Variants in C4orf33 observed in about 807,000 individuals in gnomAD.
The protein encoded by C4orf33 is chromosome 4 open reading frame 33, also known as UPF0462 protein C4orf33.
C4orf33 carries 20 observed loss-of-function variants against 24.3 expected under a neutral mutation model. The ratio of observed to expected loss-of-function variants is 0.82; its 90% CI spans 0.58 to 1.19. The LOEUF (loss-of-function observed/expected upper bound fraction) is 1.19. C4orf33 is among the 50% of genes most tolerant of loss of function. The probability of loss-of-function intolerance (pLI) is 0.00; values close to 1 mark genes in which losing one functional copy is unlikely to be tolerated. For synonymous variants in C4orf33, 67 were observed against 76.4 expected (o/e 0.88, Z 0.64); for missense variants, 207 against 225.9 (o/e 0.92, Z 0.54).
intron 4 of C4orf33, 46 bp from the exon 5 acceptor site, chr4:129,109,426 GT>G (rs1753619556): frequency 6.2e-7 from 1 of 1,602,338 alleles, no homozygotes; most frequent in African/African-American, 1.3e-5. Flanking sequence ...TATGTTTAAA[GT>G]GTAAGCCCAA....
upstream of C4orf33, among the ~76,000 whole-genome samples, chr4:129,095,355 G>A (rs1003188590): frequency 2.6e-5 from 4 of 152,058 alleles, no homozygotes; most frequent in Non-Finnish European, 4.4e-5. Flanking sequence ...ATGTTTTGTA[G>A]TTTGTCTCCA....
intron 3 of C4orf33, among the ~76,000 whole-genome samples, 167 bp downstream of exon 3, chr4:129,106,814 C>T (rs1753533423): frequency 1.3e-5 from 2 of 151,660 alleles, no homozygotes; most frequent in Non-Finnish European, 3.0e-5. Flanking sequence ...GTACAGAGCA[C>T]ATATTTAGAA....
chr4:129,108,900 T>A (rs997498767), intron 3 of C4orf33, among the ~76,000 whole-genome samples: 1 of 152,180 alleles, frequency 6.6e-6, no homozygotes, highest in Admixed American at 6.5e-5. Context: ...GCATCTTTTT[T>A]TTTTTGAGAC....
At chr4:129,110,884 T>C (rs1289002574) in intron 5 of C4orf33, among the ~76,000 whole-genome samples, 1 of 152,080 alleles carries the variant, frequency 6.6e-6, no homozygotes, top group Non-Finnish European at 1.5e-5. Context: ...GGATTGACAA[T>C]TGTGATTCAA....
intron 1 of C4orf33, among the ~76,000 whole-genome samples, chr4:129,100,137 A>G (rs1753310870): frequency 1.3e-5 from 2 of 152,142 alleles, no homozygotes; most frequent in African/African-American, 4.8e-5. Context: ...GGTTTGAGGT[A>G]CTCACTACCT....
upstream of C4orf33, among the ~76,000 whole-genome samples, chr4:129,094,564 T>C (rs1326794646): frequency 2.0e-5 from 3 of 152,232 alleles, no homozygotes; most frequent in Non-Finnish European, 2.9e-5. Flanking sequence ...TTTAAAAATG[T>C]ATTCAAATAT....
intron 1 of C4orf33, among the ~76,000 whole-genome samples, chr4:129,100,330 T>C (rs1753315477): frequency 1.1e-5 from 1 of 92,658 alleles, no homozygotes; most frequent in South Asian, 7.0e-4. Flanking sequence ...GATTGTATTT[T>C]GATTTTTTTT....
In C4orf33 at chr4:129,115,123, G is replaced by A. The variant is rs1353230468; in HGVS notation, c.*3332G>A. On this transcript the variant is annotated 3_prime_UTR_variant, in exon 6 of 6. Transcript: ENST00000425929. ...TATAGACTTGAAATCAGTTACAGGAGCCACATAACTTGTTCCACTAAATCT... is the reference window on the plus strand; with the variant it reads ...TATAGACTTGAAATCAGTTACAGGAACCACATAACTTGTTCCACTAAATCT... 8 of 152,192 alleles carry A rather than the reference G, an allele frequency of 5.3e-5. No homozygotes were observed. The highest frequency in any genetic ancestry group is 1.2e-4 in the Non-Finnish European group (8 of 68,032). The allele number at this position is 152,192 out of a possible 1,614,324, so 9.4% of individuals were successfully genotyped here.
chr4:129,103,012 C>A (rs1420963151), intron 2 of C4orf33: 5 of 363,622 alleles, frequency 1.4e-5, no homozygotes, highest in Admixed American at 5.1e-5. Context: ...AATTACAAAT[C>A]CAGATTTTTT....
At position 129,111,845 on chromosome 4, in the gene C4orf33, C is replaced by T. The variant is rs1028003313; in HGVS notation, c.*54C>T. The T allele has an allele frequency of 2.5e-5, 24 of 957,882 alleles. No individual in the cohort carries two copies. In the African/African-American group the frequency reaches 3.7e-4, roughly 15 times the overall value. The allele number at this position is 957,882 out of a possible 1,614,324, so 59.3% of individuals were successfully genotyped here. The stretch of plus-strand genomic sequence containing the variant: ...TTTCCTCTATACCTTTTAAGATAAA[C>T]AAAAAATAAATATCAATTTTTTAAG... On this transcript the variant is annotated 3_prime_UTR_variant, in exon 6 of 6. Coordinates refer to ENST00000425929, the MANE Select transcript of C4orf33 (RefSeq NM_001099783.2).
At position 129,109,460 on chromosome 4, in the gene C4orf33, G is replaced by A. The variant is rs775509416; in HGVS notation, c.295-13G>A. On this transcript the variant is annotated splice_polypyrimidine_tract_variant and intron_variant, in intron 4 of 5. Coordinates refer to ENST00000425929, the MANE Select transcript of C4orf33 (RefSeq NM_001099783.2). Reference sequence around the variant, plus strand: ...CAATTTTATCTTTTGTGTTTCACATGTTGTTTCTGTAGCAAGAACTTCCTT... The same window carrying A: ...CAATTTTATCTTTTGTGTTTCACATATTGTTTCTGTAGCAAGAACTTCCTT... The A allele has an allele frequency of 3.1e-6, 5 of 1,610,250 alleles. No individual in the cohort carries two copies. The highest frequency in any genetic ancestry group is 4.5e-5 in the East Asian group (2 of 44,848).
At position 129,113,050 on chromosome 4, in the gene C4orf33, T is replaced by C. The variant is rs1319015765; in HGVS notation, c.*1259T>C. The C allele has an allele frequency of 6.6e-6, 1 of 150,912 alleles. No individual in the cohort carries two copies. The highest frequency in any genetic ancestry group is 2.4e-5 in the African/African-American group (1 of 41,248). 9.3% of individuals were successfully genotyped at this position (150,912 alleles called of 1,614,324 possible). Reference sequence around the variant, plus strand: ...TAAAACTATCAAAATAAAAACAAGATATATTTTAGAGCATCTTGATTTTAG... The same window carrying C: ...TAAAACTATCAAAATAAAAACAAGACATATTTTAGAGCATCTTGATTTTAG... On this transcript the variant is annotated 3_prime_UTR_variant, in exon 6 of 6. Transcript: ENST00000425929.
intron 5 of C4orf33, chr4:129,109,966 C>G: frequency 9.6e-6 from 11 of 1,146,356 alleles, no homozygotes; most frequent in Non-Finnish European, 1.2e-5. Context: ...AGTATGGTCA[C>G]AAATTCATTT....
At position 129,116,402 on chromosome 4, in the gene C4orf33, G is replaced by A. The variant is rs1447100210; in HGVS notation, c.*4611G>A. The A allele has an allele frequency of 1.3e-5, 2 of 152,144 alleles. No homozygotes were observed. The highest frequency in any genetic ancestry group is 2.9e-5 in the Non-Finnish European group (2 of 68,018). The allele number at this position is 152,144 out of a possible 1,614,324, so 9.4% of individuals were successfully genotyped here. A position where few individuals can be genotyped will look rare whatever the true frequency, so the allele number is the denominator to read the frequency against. ...ACTTTGCACTCTTGAAAAATTCGCAGAGAATGCAAGGTTTAGTAAAAATTT... is the reference window on the plus strand; with the variant it reads ...ACTTTGCACTCTTGAAAAATTCGCAAAGAATGCAAGGTTTAGTAAAAATTT... On this transcript the variant is annotated 3_prime_UTR_variant, in exon 6 of 6. Coordinates refer to ENST00000425929, the MANE Select transcript of C4orf33 (RefSeq NM_001099783.2).
At chr4:129,094,258 A>C (rs1225929977), upstream of C4orf33, among the ~76,000 whole-genome samples, 5 of 152,178 alleles carry the variant, frequency 3.3e-5, no homozygotes, top group East Asian at 9.7e-4. Context: ...GATAGATTAC[A>C]ATTTTCATTT....
At chr4:129,094,939 A>G (rs2125796088), upstream of C4orf33, among the ~76,000 whole-genome samples, 1 of 152,298 alleles carries the variant, frequency 6.6e-6, no homozygotes, top group Admixed American at 6.5e-5. Context: ...CTTGGCATCA[A>G]ATAAATAATT....
At chr4:129,110,247 T>C (rs971677616) in intron 5 of C4orf33, among the ~76,000 whole-genome samples, 1 of 152,234 alleles carries the variant, frequency 6.6e-6, no homozygotes, top group African/African-American at 2.4e-5. Flanking sequence ...GATTCCCCTG[T>C]AACAGTCATG....
rs389376 is a variant in C4orf33 at position 129,115,024 on chromosome 4, A to C, written c.*3233A>C. The C allele has an allele frequency of 0.73, 110,521 of 152,104 alleles. 41,956 individuals are homozygous for C. Among genetic ancestry groups the C allele is most frequent in the South Asian group, 0.89 (4,288 of 4,824 alleles). 9.4% of individuals were successfully genotyped at this position (152,104 alleles called of 1,614,324 possible). A position where few individuals can be genotyped will look rare whatever the true frequency, so the allele number is the denominator to read the frequency against. Reference sequence around the variant, plus strand: ...CACCTCACCATTCAAACCACTTGAAACTACTGAAGAGTTTGGCCAAATGTG... The same window carrying C: ...CACCTCACCATTCAAACCACTTGAACCTACTGAAGAGTTTGGCCAAATGTG... On this transcript the variant is annotated 3_prime_UTR_variant, in exon 6 of 6. Transcript: ENST00000425929.
At position 129,106,574 on chromosome 4, in the gene C4orf33, C is replaced by T; in HGVS notation, c.182-13C>T. ...TTAAATATCTCAATATGTTATATCT[C>T]TGTTTTCAAAAGTTGTGGAAGCATT... On this transcript the variant is annotated splice_polypyrimidine_tract_variant and intron_variant, in intron 2 of 5. Transcript: ENST00000425929. 1 of 1,388,974 alleles carries T rather than the reference C, an allele frequency of 7.2e-7. No individual in the cohort carries two copies. The highest frequency in any genetic ancestry group is 1.0e-6 in the Non-Finnish European group (1 of 995,812). The allele number at this position is 1,388,974 out of a possible 1,614,324, so 86.0% of individuals were successfully genotyped here.
Sources: allele counts gnomAD v4.1 joint callset (sites outside exome capture counted in the v4.1 genomes callset), GRCh38; gene constraint gnomAD v4.1.1; transcripts MANE v1.5; gene names NCBI Gene and HGNC (gene_info 2026-07-23, HGNC 2026-07-21).